MYO7A: variants seen among roughly 807,000 people sequenced by gnomAD.
MYO7A encodes the protein myosin VIIA.
MYO7A carries 210 observed loss-of-function variants against 263.8 expected under a neutral mutation model. That is an observed-to-expected ratio of 0.80 (90% CI 0.71 to 0.89). The LOEUF is 0.89. MYO7A is among the 40% of genes least tolerant of loss of function. The probability of loss-of-function intolerance (pLI) is 0.00; values close to 1 mark genes in which losing one functional copy is unlikely to be tolerated. For missense variants in MYO7A, 2,820 were observed against 2,968.3 expected (o/e 0.95, Z 1.16); for synonymous variants, 1,239 against 1,197.3 (o/e 1.03, Z -0.72).
chr11:77,188,574 C>A (rs186947918), intron 27 of MYO7A, among the ~76,000 whole-genome samples: 1 of 150,530 alleles, frequency 6.6e-6, no homozygotes, highest in Admixed American at 6.6e-5. Flanking sequence ...TGTCCTTGAA[C>A]AGGCAGGCTG....
chr11:77,183,516 C>A (rs969522431), intron 26 of MYO7A, among the ~76,000 whole-genome samples: 3 of 152,234 alleles, frequency 2.0e-5, no homozygotes, highest in African/African-American at 7.2e-5. Flanking sequence ...TTCTGTGGAA[C>A]AAGAGTGCTC....
rs762660033 is a variant in MYO7A, at chr11:77,197,484, A to C, written c.4327A>C (p.Ile1443Leu). ...CTCTGTCCCTCTCTCCTTCCAGGGGATTTATGCCCAGAGGAGAACTGATGC... is the reference window on the plus strand; with the variant it reads ...CTCTGTCCCTCTCTCCTTCCAGGGGCTTTATGCCCAGAGGAGAACTGATGC... ...QLAIAAHKKG[I>L]YAQRRTDAQK... Residue 1443 changes from isoleucine to leucine, a missense_variant, in exon 33 of 49, where the codon ATT (isoleucine) becomes CTT (leucine). Coordinates refer to ENST00000409709, the MANE Select transcript of MYO7A (RefSeq NM_000260.4). 24 of 1,592,172 alleles carry C rather than the reference A, an allele frequency of 1.5e-5. No individual in the cohort carries two copies. Among genetic ancestry groups the C allele is most frequent in the South Asian group, 9.2e-5 (8 of 87,406 alleles).
At position 77,138,154 on chromosome 11, in the gene MYO7A, G is replaced by A. The variant is rs1555048371; in HGVS notation, c.19-4555G>A. Among the ~76,000 whole-genome samples, 1 of 152,040 alleles carries A rather than the reference G, an allele frequency of 6.6e-6. No individual in the cohort carries two copies. The highest frequency in any genetic ancestry group is 2.4e-5 in the African/African-American group (1 of 41,428). ...GACGGAGGGGGCCGGGGTGGCGCGG[G>A]CGCCCCCTCGCCGTCCCGCCCGCGG... On this transcript the variant is annotated intron_variant, in intron 2 of 48. Transcript: ENST00000409709. The surrounding 1 kb of genome is among the most constrained non-coding windows in gnomAD (Gnocchi z 4.9).
chr11:77,145,865 C>T (rs1256211795), intron 3 of MYO7A, among the ~76,000 whole-genome samples: 1 of 152,184 alleles, frequency 6.6e-6, no homozygotes. Flanking sequence ...AGCCTGTTTT[C>T]TCATGTGAAG....
chr11:77,130,073 G>A (rs554766989), intron 1 of MYO7A, among the ~76,000 whole-genome samples: 14 of 152,244 alleles, frequency 9.2e-5, no homozygotes, highest in Middle Eastern at 6.8e-3. Flanking sequence ...GCTCTGCACA[G>A]AGCCATCCTG....
rs2135732554 is a variant in MYO7A, at chr11:77,205,483, G to A, written c.5502G>A (p.Trp1834Ter). The A allele has an allele frequency of 1.3e-6, 2 of 1,583,532 alleles. No individual in the cohort carries two copies. The highest frequency in any genetic ancestry group is 1.7e-6 in the Non-Finnish European group (2 of 1,165,542). The change falls in exon 40 of 49, where the codon TGG (tryptophan) becomes TGA (stop). Residue 1834 changes from tryptophan (W) to a stop codon, truncating the protein, a stop_gained. Transcript: ENST00000409709. LOFTEE classifies it high-confidence loss of function. ...NHIRYSEERG[W>*]ELLWLCTGLF... ...GCAGGTACAGCGAGGAGCGGGGTTG[G>A]GAGCTGCTCTGGCTGTGCACGGGCC...
intron 37 of MYO7A, 48 bp downstream of exon 37, chr11:77,202,472 G>T: frequency 6.5e-7 from 1 of 1,536,640 alleles, no homozygotes. Context: ...AGGAGCTGCA[G>T]GCTTCCGCTA....
chr11:77,192,249 G>C lies in MYO7A; in HGVS notation c.4123G>C (p.Val1375Leu). The C allele has an allele frequency of 1.2e-6, 2 of 1,614,076 alleles. No homozygotes were observed. Among genetic ancestry groups the C allele is most frequent in the Non-Finnish European group, 1.7e-6 (2 of 1,179,914 alleles). Reference sequence around the variant, plus strand: ...CATCTACCAGCAGGTGGTGCGAGGAGTCAAGTTTGGGGAGTACAGGTGTGA... The same window carrying C: ...CATCTACCAGCAGGTGGTGCGAGGACTCAAGTTTGGGGAGTACAGGTGTGA... ...NLIYQQVVRG[V>L]KFGEYRCEKE... Residue 1375 changes from valine (V) to leucine (L), a missense_variant, in exon 31 of 49, where the codon GTC (valine) becomes CTC (leucine). Physicochemically the swap from Val to Leu is conservative, Grantham distance 32. Coordinates refer to ENST00000409709, the MANE Select transcript of MYO7A (RefSeq NM_000260.4).
rs1258363594 is a variant in MYO7A, at chr11:77,182,614, G to A, written c.3285+14G>A. ...GGCGAGGGCGAGGTGAGGCCAAGGT[G>A]CCCTCTGGATGATGTCCCTCCCAGG... On this transcript the variant is annotated intron_variant, in intron 25 of 48. Transcript: ENST00000409709. The A allele has an allele frequency of 6.2e-7, 1 of 1,612,394 alleles. No homozygotes were observed. The highest frequency in any genetic ancestry group is 1.3e-5 in the African/African-American group (1 of 74,930).
At chr11:77,214,013 C>G in intron 48 of MYO7A, 34 bp downstream of exon 48, 1 of 1,612,656 alleles carries the variant, frequency 6.2e-7, no homozygotes, top group Non-Finnish European at 8.5e-7. Context: ...TAGTGGGCTC[C>G]CTGCCTTGCC....
chr11:77,178,759 T>C (rs552547781), intron 19 of MYO7A, among the ~76,000 whole-genome samples: 3 of 152,368 alleles, frequency 2.0e-5, no homozygotes, highest in African/African-American at 7.2e-5. Context: ...GATCTTTATA[T>C]TATTTTAATT....
intron 3 of MYO7A, among the ~76,000 whole-genome samples, chr11:77,144,477 T>TG (rs1379832384): frequency 2.6e-5 from 4 of 151,766 alleles, no homozygotes; most frequent in Non-Finnish European, 5.9e-5. Context: ...GCCCTGAGAG[T>TG]GGGGGCTGCA....
At position 77,208,794 on chromosome 11, in the gene MYO7A, C is replaced by T; in HGVS notation, c.6042C>T (p.His2014=). 1 of 1,562,504 alleles carries T rather than the reference C, an allele frequency of 6.4e-7. No homozygotes were observed. The highest frequency in any genetic ancestry group is 2.4e-5 in the East Asian group (1 of 41,858). ...ATCCCATGGCCGATTCCATCTTCCA[C>T]TATTACCAGGTGGGCACCTCTGCAC... The part of the protein sequence containing the change: ...GKDPMADSIF[H]YYQELPKYLR... Residue 2014 remains histidine (H), a synonymous_variant, in exon 44 of 49, where the codon CAC becomes CAT. Coordinates refer to ENST00000409709, the MANE Select transcript of MYO7A (RefSeq NM_000260.4).
At position 77,190,927 on chromosome 11, in the gene MYO7A, G is replaced by GGCTGCCAGT. The variant is rs1430669166; in HGVS notation, c.3924+65_3924+73dup. On this transcript the variant is annotated intron_variant, in intron 30 of 48. Transcript: ENST00000409709. The stretch of plus-strand genomic sequence containing the variant: ...AGCACCTCCTCCCGGCCCCACTCCG[G>GGCTGCCAGT]GCTGCCAGTGCTGCCACCTACTTGC... The GGCTGCCAGT allele has an allele frequency of 2.0e-6, 3 of 1,483,188 alleles. No homozygotes were observed. In the African/African-American group the frequency reaches 4.2e-5, roughly 21 times the overall value. The allele number at this position is 1,483,188 out of a possible 1,614,324, so 91.9% of individuals were successfully genotyped here. A position where few individuals can be genotyped will look rare whatever the true frequency, so the allele number is the denominator to read the frequency against.
At chr11:77,161,856 G>A (rs1206786976) in intron 12 of MYO7A, among the ~76,000 whole-genome samples, 1 of 152,212 alleles carries the variant, frequency 6.6e-6, no homozygotes, top group Non-Finnish European at 1.5e-5. Context: ...GCTTGATCAT[G>A]CCAGGGAAAG....
intron 44 of MYO7A, 99 bp downstream of exon 44, chr11:77,208,902 C>A: frequency 1.0e-6 from 1 of 960,176 alleles, no homozygotes; most frequent in South Asian, 1.5e-5. Context: ...GGTGTGGGGC[C>A]CGTACCAGCC....
At chr11:77,150,182 G>C (rs139336861) in intron 4 of MYO7A, among the ~76,000 whole-genome samples, 4 of 152,354 alleles carry the variant, frequency 2.6e-5, no homozygotes, top group Non-Finnish European at 5.9e-5. Context: ...CCCCGTCTCA[G>C]GGGAGGAGCT....
chr11:77,198,164 C>T (rs1245764749), intron 33 of MYO7A, among the ~76,000 whole-genome samples: 1 of 152,188 alleles, frequency 6.6e-6, no homozygotes, highest in Admixed American at 6.5e-5. Context: ...TGCTGCTGTT[C>T]ACAGAACCAC....
chr11:77,207,779 T>C (rs1376592648), intron 42 of MYO7A, among the ~76,000 whole-genome samples: 1 of 152,184 alleles, frequency 6.6e-6, no homozygotes, highest in Non-Finnish European at 1.5e-5. Context: ...ATAGATCACA[T>C]AACTAGGGCT....
Sources: gnomAD v4.1 joint callset for allele counts (sites outside exome capture counted in the v4.1 genomes callset) on GRCh38, gnomAD v4.1.1 for gene constraint, Gnocchi (gnomAD v3.1) non-coding constraint, MANE v1.5 for transcripts, NCBI Gene and HGNC (gene_info 2026-07-23, HGNC 2026-07-21) for gene names.